The following MTUS2 variants were observed in gnomAD, a reference collection of about 807,000 sequenced individuals.
The protein encoded by MTUS2 is microtubule-associated tumor suppressor candidate 2.
In MTUS2, 40 loss-of-function variants were observed where a neutral mutation model predicts 114.1. That is an observed-to-expected ratio of 0.35 (90% CI 0.27 to 0.46). The LOEUF (loss-of-function observed/expected upper bound fraction) is 0.46, where lower values mean the gene tolerates loss of function less well. Among genes scored for constraint, MTUS2 ranks in the 20% least tolerant of loss-of-function variants. MTUS2 has a pLI of 1.00. For synonymous variants in MTUS2, 688 were observed against 672.0 expected, an observed-to-expected ratio of 1.02 and a Z score of -0.37; for missense variants, 1,679 against 1,705.4, an observed-to-expected ratio of 0.98 and a Z score of 0.27.
At chr13:29,360,688 ACC>A (rs57156729) in intron 8 of MTUS2, among the ~76,000 whole-genome samples, 44,359 of 87,168 alleles carry the variant, frequency 0.51, 11,177 homozygotes, top group East Asian at 0.79. Flanking sequence ...GTAGCCGAAC[ACC>A]CCCCCCCCCC....
chr13:29,165,380 T>A (rs1423079691), intron 5 of MTUS2, among the ~76,000 whole-genome samples: 2 of 152,028 alleles, frequency 1.3e-5, no homozygotes, highest in African/African-American at 4.8e-5. Flanking sequence ...GTCCATTAGC[T>A]CTTATCAGAG....
At position 28,910,855 on chromosome 13, in the gene MTUS2, CTTTTTTTTTTTTTTTTTTTTTT is replaced by C. The variant is rs555935861; in HGVS notation, c.-243+71022_-243+71043del. ...CTGCAATGAACACACATATACATGG[CTTTTTTTTTTTTTTTTTTTTTT>C]TTTTTTTTTTTTTTTTGAGATGGAG... On this transcript the variant is annotated intron_variant, in intron 2 of 15. Coordinates refer to ENST00000612955, the MANE Select transcript of MTUS2 (RefSeq NM_001033602.4). Among the ~76,000 whole-genome samples the C allele has an allele frequency of 4.5e-4, 26 of 58,040 alleles. No homozygotes were observed. The East Asian group carries it at 4.8e-3, about 11-fold the overall frequency. 38.1% of individuals were successfully genotyped at this position (58,040 alleles called of 152,430 possible).
chr13:29,284,402 T>TA lies in MTUS2; in HGVS notation c.2806+2549dup, dbSNP rs565944585. ...AGCAATAGAAGAATAAGCTATTTTT[T>TA]AAAAAAAAAAAATGATGGCCTTCAG... On this transcript the variant is annotated intron_variant, in intron 6 of 15. Transcript: ENST00000612955. Among the ~76,000 whole-genome samples the TA allele has an allele frequency of 3.6e-3, 538 of 148,938 alleles. 1 individual carries two copies. The highest frequency in any genetic ancestry group is 0.01 in the African/African-American group (420 of 40,668).
At chr13:28,853,415 C>T (rs1707915007) in intron 2 of MTUS2, among the ~76,000 whole-genome samples, 1 of 117,044 alleles carries the variant, frequency 8.5e-6, no homozygotes, top group Admixed American at 1.0e-4. Context: ...TAAAATTCTG[C>T]TGGGGGTGGC....
rs1211258814 is a variant in MTUS2 at position 29,034,173 on chromosome 13, GTCA to G, written c.2446+53_2446+55del. 5.0e-6 allele frequency: 8 copies of G among 1,608,522 alleles called. No homozygotes were observed. In the African/African-American group the frequency reaches 9.4e-5, roughly 19 times the overall value. On this transcript the variant is annotated intron_variant, in intron 4 of 15. Coordinates refer to ENST00000612955, the MANE Select transcript of MTUS2 (RefSeq NM_001033602.4). ...CCTTTTCCTGCTGTACGTTTAGATA[GTCA>G]TCATGTAAGATGGTGATAATTGTCT...
At chr13:29,328,985 T>TC (rs1181654043) in intron 7 of MTUS2, among the ~76,000 whole-genome samples, 6 of 152,032 alleles carry the variant, frequency 3.9e-5, no homozygotes, top group African/African-American at 1.5e-4. Context: ...AGGGTGTGAC[T>TC]CCCCCAGGCC....
At chr13:28,851,497 G>C (rs1002076752) in intron 2 of MTUS2, among the ~76,000 whole-genome samples, 2 of 152,174 alleles carry the variant, frequency 1.3e-5, no homozygotes, top group Admixed American at 6.5e-5. Flanking sequence ...AACATAGTGG[G>C]CACTATGCAG....
chr13:29,431,777 T>C (rs748873055), intron 8 of MTUS2, among the ~76,000 whole-genome samples: 5 of 152,130 alleles, frequency 3.3e-5, no homozygotes, highest in Non-Finnish European at 5.9e-5. Flanking sequence ...GGAGATATGG[T>C]GCATAGGGAG....
intron 8 of MTUS2, among the ~76,000 whole-genome samples, chr13:29,427,306 T>A (rs769780866): frequency 1.6e-4 from 25 of 152,218 alleles, no homozygotes; most frequent in Non-Finnish European, 3.1e-4. Flanking sequence ...TTTGTTTTTT[T>A]ATAAAACTTT....
At chr13:29,173,533 G>A (rs991466913) in intron 5 of MTUS2, among the ~76,000 whole-genome samples, 1 of 152,148 alleles carries the variant, frequency 6.6e-6, no homozygotes, top group Non-Finnish European at 1.5e-5. Context: ...ATTTTCGTAT[G>A]TCAGTGGAAG....
At chr13:29,296,837 T>C (rs1898968551) in intron 6 of MTUS2, among the ~76,000 whole-genome samples, 2 of 152,214 alleles carry the variant, frequency 1.3e-5, no homozygotes, top group African/African-American at 4.8e-5. Context: ...TTTTATATCC[T>C]GGATATTAAT....
chr13:29,021,831 G>T (rs1886303531), intron 2 of MTUS2, among the ~76,000 whole-genome samples: 1 of 152,220 alleles, frequency 6.6e-6, no homozygotes, highest in Non-Finnish European at 1.5e-5. Context: ...GGTTTGTTGA[G>T]AATCCCCTCT....
At chr13:29,439,903 C>T (rs967255413) in intron 8 of MTUS2, 80 bp from the exon 9 acceptor site, 15 of 1,071,276 alleles carry the variant, frequency 1.4e-5, no homozygotes, top group South Asian at 6.8e-5. Flanking sequence ...TTGCTTAATA[C>T]GATTCATTAA....
At chr13:29,128,784 CCTCACT>C (rs1385032638) in intron 5 of MTUS2, among the ~76,000 whole-genome samples, 1 of 152,118 alleles carries the variant, frequency 6.6e-6, no homozygotes. Context: ...CAACTGTATT[CCTCACT>C]CTGTGCCTAC....
intron 5 of MTUS2, among the ~76,000 whole-genome samples, chr13:29,104,635 G>A (rs1015724340): frequency 4.6e-5 from 7 of 152,178 alleles, no homozygotes; most frequent in Admixed American, 2.0e-4. Flanking sequence ...GACTCACACA[G>A]CACCTGCATG....
At chr13:28,997,781 T>C (rs9670865) in intron 2 of MTUS2, among the ~76,000 whole-genome samples, 2,683 of 152,230 alleles carry the variant, frequency 0.018, 80 homozygotes, top group African/African-American at 0.061. Context: ...AGCCTATGTG[T>C]GTCTCTGCAC....
intron 2 of MTUS2, among the ~76,000 whole-genome samples, chr13:28,878,698 A>G (rs1309732324): frequency 1.3e-5 from 2 of 152,196 alleles, no homozygotes; most frequent in Non-Finnish European, 2.9e-5. Flanking sequence ...TCTATGGTGT[A>G]TATGTACCAC....
chr13:29,130,446 T>C (rs1453169867), intron 5 of MTUS2, among the ~76,000 whole-genome samples: 1 of 152,106 alleles, frequency 6.6e-6, no homozygotes, highest in Non-Finnish European at 1.5e-5. Context: ...AATTCTTCCT[T>C]CTAGCCTTTG....
At chr13:29,360,692 C>A (rs968686124) in intron 8 of MTUS2, among the ~76,000 whole-genome samples, 1 of 122,964 alleles carries the variant, frequency 8.1e-6, no homozygotes, top group African/African-American at 3.4e-5. Context: ...CCGAACACCC[C>A]CCCCCCCCCG....
Sources: allele counts gnomAD v4.1 joint callset (sites outside exome capture counted in the v4.1 genomes callset), GRCh38; gene constraint gnomAD v4.1.1; transcripts MANE v1.5; gene names NCBI Gene and HGNC (gene_info 2026-07-23, HGNC 2026-07-21).